VWA3B: variants seen among roughly 807,000 people sequenced by gnomAD.
The protein encoded by VWA3B is von Willebrand factor A domain containing 3B.
A neutral mutation model predicts 158.3 loss-of-function variants in VWA3B; 138 were observed. The observed-to-expected ratio is 0.87, with a 90% CI of 0.76 to 1.00. The LOEUF is 1.00. Among genes scored for constraint, VWA3B ranks in the 50% least tolerant of loss-of-function variants. The probability of loss-of-function intolerance (pLI) is 0.00; values close to 1 mark genes in which losing one functional copy is unlikely to be tolerated. For synonymous variants in VWA3B, 596 were observed against 587.3 expected (o/e 1.01, Z -0.21); for missense variants, 1,555 against 1,565.1 (o/e 0.99, Z 0.11).
At chr2:98,198,330 T>C (rs914443936) in intron 12 of VWA3B, among the ~76,000 whole-genome samples, 1 of 152,200 alleles carries the variant, frequency 6.6e-6, no homozygotes, top group East Asian at 1.9e-4. Flanking sequence ...TTATCAGCTA[T>C]AGTGTTTGTA....
chr2:98,210,612 CT>C (rs1226191366), intron 12 of VWA3B, among the ~76,000 whole-genome samples: 2 of 152,152 alleles, frequency 1.3e-5, no homozygotes, highest in Admixed American at 1.3e-4. Context: ...ATGGCTGAGT[CT>C]GAGAAAGTCT....
At chr2:98,229,929 AGGCTTACTTTTTAAAGT>A in intron 15 of VWA3B, 104 bp from the exon 16 acceptor site, 1 of 1,097,364 alleles carries the variant, frequency 9.1e-7, no homozygotes, top group Non-Finnish European at 1.3e-6. Flanking sequence ...AGATGGGGGA[AGGCTTACTTTTTAAAGT>A]TTGCAGTGTT....
intron 7 of VWA3B, among the ~76,000 whole-genome samples, chr2:98,149,249 G>A (rs1214440562): frequency 6.6e-6 from 1 of 152,184 alleles, no homozygotes; most frequent in Non-Finnish European, 1.5e-5. Context: ...TATTGTTACT[G>A]GTGGAGGGCG....
intron 7 of VWA3B, among the ~76,000 whole-genome samples, chr2:98,158,497 A>T (rs570244971): frequency 1.3e-5 from 2 of 152,234 alleles, no homozygotes; most frequent in Non-Finnish European, 2.9e-5. Flanking sequence ...GGTCATGCAC[A>T]GAATGATGTC....
chr2:98,211,571 GA>G (rs1313703556), intron 12 of VWA3B, among the ~76,000 whole-genome samples: 8 of 152,204 alleles, frequency 5.3e-5, no homozygotes, highest in African/African-American at 1.9e-4. Context: ...AAACCATTAT[GA>G]TGCCACAGTG....
At chr2:98,217,106 C>G in intron 13 of VWA3B, 1 of 595,164 alleles carries the variant, frequency 1.7e-6, no homozygotes, top group South Asian at 2.0e-5. Flanking sequence ...AGAGGGAGCT[C>G]CATCCCTGCA....
rs139899168 is a variant in VWA3B, at chr2:98,173,454, C to T, written c.1115-7562C>T. ...GTATTTTCCAATGGGCACTGAGCTT[C>T]GCATTTTCCAGACAAAAAGCACACA... On this transcript the variant is annotated intron_variant, in intron 8 of 27. Coordinates refer to ENST00000477737, the MANE Select transcript of VWA3B (RefSeq NM_144992.5). 6.6e-5 allele frequency among the ~76,000 whole-genome samples: 10 copies of T among 152,314 alleles called. No homozygotes were observed. The East Asian group carries it at 1.7e-3, about 26-fold the overall frequency.
chr2:98,297,959 C>T lies in VWA3B; in HGVS notation c.3210C>T (p.Tyr1070=), dbSNP rs749665421. The T allele has an allele frequency of 1.2e-5, 19 of 1,586,958 alleles. No individual in the cohort carries two copies. Among genetic ancestry groups the T allele is most frequent in the East Asian group, 2.4e-5 (1 of 42,142 alleles). Reference sequence around the variant, plus strand: ...CCCAAGCACTGGTGGGCTTCAGTTACGGAGACACCAAGGTCGTGTCCACCT... The same window carrying T: ...CCCAAGCACTGGTGGGCTTCAGTTATGGAGACACCAAGGTCGTGTCCACCT... ...SRTQALVGFS[Y]GDTKVVSTSF... is the part of the protein sequence containing the mutation. The change falls in exon 24 of 28, where the codon TAC becomes TAT. Residue 1070 remains tyrosine, a synonymous_variant. Coordinates refer to ENST00000477737, the MANE Select transcript of VWA3B (RefSeq NM_144992.5).
chr2:98,206,635 T>G (rs1367167935), intron 12 of VWA3B: 2 of 380,718 alleles, frequency 5.3e-6, no homozygotes, highest in Non-Finnish European at 1.0e-5. Flanking sequence ...TGAAACAGTT[T>G]GCTCCCATTT....
intron 7 of VWA3B, among the ~76,000 whole-genome samples, chr2:98,162,009 T>G (rs554396763): frequency 2.9e-4 from 44 of 152,140 alleles, no homozygotes; most frequent in Non-Finnish European, 6.2e-4. Context: ...GTGCCCAGCC[T>G]GCCCATCTAT....
intron 8 of VWA3B, among the ~76,000 whole-genome samples, chr2:98,165,600 A>T (rs1296689285): frequency 6.6e-6 from 1 of 152,006 alleles, no homozygotes; most frequent in Non-Finnish European, 1.5e-5. Flanking sequence ...AGAAATGGGG[A>T]TGGGGACTTG....
rs1686722645 is a variant in VWA3B at position 98,250,379 on chromosome 2, G to A, written c.2735G>A (p.Gly912Glu). Residue 912 changes from glycine to glutamate, a missense_variant, in exon 20 of 28, where the codon GGA (glycine) becomes GAA (glutamate). Coordinates refer to ENST00000477737, the MANE Select transcript of VWA3B (RefSeq NM_144992.5). ...AAGATGACATTAATTAACCCCCAAGGAGCCAAACTCAATATCTACAAGCGA... is the reference window on the plus strand; with the variant it reads ...AAGATGACATTAATTAACCCCCAAGAAGCCAAACTCAATATCTACAAGCGA... ...TNKMTLINPQ[G>E]AKLNIYKRKV... is the part of the protein sequence containing the mutation. 1 of 1,613,478 alleles carries A rather than the reference G, an allele frequency of 6.2e-7. No individual in the cohort carries two copies. Among genetic ancestry groups the A allele is most frequent in the South Asian group, 1.1e-5 (1 of 90,988 alleles).
At chr2:98,246,668 C>T (rs574785664) in intron 19 of VWA3B, among the ~76,000 whole-genome samples, 21 of 152,218 alleles carry the variant, frequency 1.4e-4, no homozygotes, top group Non-Finnish European at 2.6e-4. Flanking sequence ...AAGGGTGAGC[C>T]ACCCCACCCA....
chr2:98,232,418 A>AT (rs1685400750), intron 16 of VWA3B, among the ~76,000 whole-genome samples: 1 of 151,084 alleles, frequency 6.6e-6, no homozygotes, highest in African/African-American at 2.4e-5. Flanking sequence ...CTATTTGTTC[A>AT]TTTGTTTCCA....
At chr2:98,164,247 T>G (rs1040811144) in intron 8 of VWA3B, among the ~76,000 whole-genome samples, 1 of 152,178 alleles carries the variant, frequency 6.6e-6, no homozygotes, top group African/African-American at 2.4e-5. Flanking sequence ...GAAGGAGTAG[T>G]GTGAATGGGG....
At chr2:98,315,774 A>G (rs1402428538), downstream of VWA3B, among the ~76,000 whole-genome samples, 1 of 152,258 alleles carries the variant, frequency 6.6e-6, no homozygotes, top group African/African-American at 2.4e-5. Context: ...AAGGAAAATG[A>G]TGTTTGCACA....
At chr2:98,211,759 C>T (rs1042892588) in intron 12 of VWA3B, among the ~76,000 whole-genome samples, 171 bp from the exon 13 acceptor site, 4 of 152,322 alleles carry the variant, frequency 2.6e-5, no homozygotes, top group African/African-American at 9.6e-5. Flanking sequence ...TTAGGCATAC[C>T]CTGCGATATG....
chr2:98,115,770 G>T (rs1445957351), intron 3 of VWA3B, 24 bp downstream of exon 3: 3 of 1,571,060 alleles, frequency 1.9e-6, no homozygotes, highest in Non-Finnish European at 2.6e-6. Flanking sequence ...CCCTCAATGC[G>T]CAGTCCTGTG....
At chr2:98,128,917 C>T (rs1450746347) in intron 6 of VWA3B, among the ~76,000 whole-genome samples, 1 of 152,258 alleles carries the variant, frequency 6.6e-6, no homozygotes, top group Admixed American at 6.5e-5. Flanking sequence ...ACCTACCTTT[C>T]CCCTCACTCC....
Sources: allele counts gnomAD v4.1 joint callset (sites outside exome capture counted in the v4.1 genomes callset), GRCh38; gene constraint gnomAD v4.1.1; transcripts MANE v1.5; gene names NCBI Gene and HGNC (gene_info 2026-07-23, HGNC 2026-07-21).